The following DMRT2 variants were observed in gnomAD, a reference collection of about 807,000 sequenced individuals.
DMRT2 encodes doublesex- and mab-3-related transcription factor 2.
A neutral mutation model predicts 43.5 loss-of-function variants in DMRT2; 33 were observed. The ratio of observed to expected loss-of-function variants is 0.76; its 90% confidence interval spans 0.58 to 1.01. DMRT2 has a LOEUF of 1.01. Ranked by LOEUF, DMRT2 falls within the 50% of genes least tolerant of loss-of-function variation. The pLI, the probability that DMRT2 is intolerant of heterozygous loss-of-function variation, is 0.00. For synonymous variants in DMRT2, 395 were observed against 309.2 expected (o/e 1.28, Z -2.91); for missense variants, 1,064 against 748.0 (o/e 1.42, Z -4.93).
chr9:1,055,006 T>C (rs1370872584), intron 3 of DMRT2, among the ~76,000 whole-genome samples: 1 of 152,222 alleles, frequency 6.6e-6, no homozygotes, highest in Non-Finnish European at 1.5e-5. Flanking sequence ...CTTCTGACCA[T>C]AGAGTGGTTT....
intron 2 of DMRT2, among the ~76,000 whole-genome samples, chr9:1,053,462 T>C (rs1785549886): frequency 1.3e-5 from 2 of 152,198 alleles, no homozygotes; most frequent in African/African-American, 4.8e-5. Flanking sequence ...TCTGCGTATA[T>C]CTAGAGTGAT....
Position 1,056,224 on chromosome 9 carries a change from C to T in DMRT2, c.637C>T (p.Pro213Ser), listed in dbSNP as rs1416690948. The change falls in exon 4 of 4, where the codon CCC becomes TCC. Residue 213 changes from proline (P) to serine (S), a missense_variant. Pro to Ser is a moderately conservative substitution (Grantham distance 74). Coordinates refer to ENST00000358146, the MANE Select transcript of DMRT2 (RefSeq NM_181872.6). ...ATCTTTGCTTCTTGTAGGCTATCGC[C>T]CCATTCCAGCGGAGACTTATGTAGG... Reference protein sequence around the residue: ...LAKSILEGYRPIPAETYVGGT... With the variant: ...LAKSILEGYRSIPAETYVGGT... 1.2e-6 allele frequency: 2 copies of T among 1,606,882 alleles called. No individual in the cohort carries two copies. The highest frequency in any genetic ancestry group is 1.1e-5 in the South Asian group (1 of 90,326).
chr9:1,051,464 G>A lies in DMRT2; in HGVS notation c.-44-106G>A. On this transcript the variant is annotated intron_variant, in intron 1 of 3. Transcript: ENST00000358146. The surrounding 1 kb of genome is among the most constrained non-coding windows in gnomAD (Gnocchi z 5.9). ...GAGGGACATGTAATGAGAACAGGAT[G>A]ACTCAAGCGGCCGGAGGCGGGCAGA... 6 of 1,324,614 alleles carry A rather than the reference G, an allele frequency of 4.5e-6. No individual in the cohort carries two copies. The South Asian group carries it at 9.7e-5, about 21-fold the overall frequency. 82.1% of individuals were successfully genotyped at this position (1,324,614 alleles called of 1,614,324 possible).
rs770503994 is a variant in DMRT2 at position 1,053,722 on chromosome 9, G to A, written c.526G>A (p.Asp176Asn). ...VALRRQQATE[D>N]KKGLSGKQNN... The stretch of plus-strand genomic sequence containing the variant: ...TTGATGATGTTTCTTGTGTTTACAG[G>A]ACAAGAAGGGGCTTTCCGGGAAACA... The change falls in exon 3 of 4, where the codon GAC becomes AAC. Residue 176 changes from aspartate to asparagine, a missense_variant and splice_region_variant. By Grantham distance (23) the Asp-to-Asn change is conservative. Coordinates refer to ENST00000358146, the MANE Select transcript of DMRT2 (RefSeq NM_181872.6). 1.7e-5 allele frequency: 27 copies of A among 1,612,856 alleles called. No individual in the cohort carries two copies. The highest frequency in any genetic ancestry group is 2.2e-5 in the Non-Finnish European group (26 of 1,179,286).
At chr9:1,052,182 T>TG in intron 2 of DMRT2, 44 bp downstream of exon 2, 6 of 1,304,536 alleles carry the variant, frequency 4.6e-6, no homozygotes, top group Non-Finnish European at 5.8e-6. Flanking sequence ...ACAGTGGAGG[T>TG]GGGGGAGTTG....
intron 3 of DMRT2, chr9:1,055,630 A>C (rs1821925060): frequency 3.1e-6 from 4 of 1,270,308 alleles, no homozygotes; most frequent in Admixed American, 3.7e-5. Flanking sequence ...AGCTCTTTTC[A>C]ATTTTCTATG....
At position 1,056,404 on chromosome 9, in the gene DMRT2, C is replaced by G. The variant is rs775052048; in HGVS notation, c.817C>G (p.Arg273Gly). The G allele has an allele frequency of 6.2e-7, 1 of 1,614,020 alleles. No homozygotes were observed. Among genetic ancestry groups the G allele is most frequent in the African/African-American group, 1.3e-5 (1 of 74,910 alleles). ...SQAAALFLPN[R>G]MVPGPDYNSY... is the part of the protein sequence containing the mutation. ...AGCTGCTGCTCTGTTTCTGCCCAACCGCATGGTGCCTGGACCTGACTACAA... is the reference window on the plus strand; with the variant it reads ...AGCTGCTGCTCTGTTTCTGCCCAACGGCATGGTGCCTGGACCTGACTACAA... Residue 273 changes from arginine (R) to glycine (G), a missense_variant, in exon 4 of 4, where the codon CGC becomes GGC. Coordinates refer to ENST00000358146, the MANE Select transcript of DMRT2 (RefSeq NM_181872.6).
Position 1,057,038 on chromosome 9 carries a change from G to C in DMRT2, c.1451G>C (p.Gly484Ala). Residue 484 changes from glycine (G) to alanine (A), a missense_variant, in exon 4 of 4, where the codon GGT becomes GCT. By Grantham distance (60) the Gly-to-Ala change is moderately conservative. Coordinates refer to ENST00000358146, the MANE Select transcript of DMRT2 (RefSeq NM_181872.6). Reference sequence around the variant, plus strand: ...CAGCAAACACTTACTGACAAATCGGGTCCTGAGTTGAAAACACCATTTGTC... The same window carrying C: ...CAGCAAACACTTACTGACAAATCGGCTCCTGAGTTGAAAACACCATTTGTC... ...LFQQTLTDKSGPELKTPFVKE... is the reference protein window; with the variant it reads ...LFQQTLTDKSAPELKTPFVKE... The C allele has an allele frequency of 6.2e-7, 1 of 1,614,162 alleles. No individual in the cohort carries two copies. Among genetic ancestry groups the C allele is most frequent in the Non-Finnish European group, 8.5e-7 (1 of 1,180,036 alleles).
At chr9:1,055,426 C>A (rs1409280919) in intron 3 of DMRT2, among the ~76,000 whole-genome samples, 5 of 152,160 alleles carry the variant, frequency 3.3e-5, no homozygotes, top group African/African-American at 1.2e-4. Context: ...ATTGCTTGTT[C>A]AACCATTTTG....
Position 1,052,090 on chromosome 9 carries a change from G to A in DMRT2, c.477G>A (p.Gln159=). 6.9e-7 allele frequency: 1 copy of A among 1,446,912 alleles called. No homozygotes were observed. Among genetic ancestry groups the A allele is most frequent in the Non-Finnish European group, 9.0e-7 (1 of 1,106,904 alleles). 89.6% of individuals were successfully genotyped at this position (1,446,912 alleles called of 1,614,324 possible). Residue 159 remains glutamine, a synonymous_variant, in exon 2 of 4, where the codon CAG becomes CAA. Transcript: ENST00000358146. The part of the protein sequence containing the change: ...CANCLLVVER[Q]RVMAAQVALR... Reference sequence around the variant, plus strand: ...ACTGCCTGCTGGTGGTGGAGCGGCAGCGCGTCATGGCCGCCCAGGTGGCGC... The same window carrying A: ...ACTGCCTGCTGGTGGTGGAGCGGCAACGCGTCATGGCCGCCCAGGTGGCGC...
Position 1,057,294 on chromosome 9 carries a change from C to A in DMRT2, c.*21C>A, listed in dbSNP as rs72703239. 179,516 of 1,584,544 alleles carry A rather than the reference C, an allele frequency of 0.11. 11,426 individuals carry two copies. Among genetic ancestry groups the A allele is most frequent in the South Asian group, 0.21 (18,136 of 87,826 alleles). On this transcript the variant is annotated 3_prime_UTR_variant, in exon 4 of 4. Transcript: ENST00000358146. ...AGTGAAAGGCTGCTTAAACAGAAAG[C>A]TGGATTTTCTGCAGTCTTAGAGCAT...
In DMRT2 at chr9:1,053,723, A is replaced by G. The variant is rs1300674972; in HGVS notation, c.527A>G (p.Asp176Gly). ...TGATGATGTTTCTTGTGTTTACAGGACAAGAAGGGGCTTTCCGGGAAACAG... is the reference window on the plus strand; with the variant it reads ...TGATGATGTTTCTTGTGTTTACAGGGCAAGAAGGGGCTTTCCGGGAAACAG... ...VALRRQQATE[D>G]KKGLSGKQNN... is the part of the protein sequence containing the mutation. Residue 176 changes from aspartate to glycine, a missense_variant and splice_region_variant, in exon 3 of 4, where the codon GAC (aspartate) becomes GGC (glycine). Coordinates refer to ENST00000358146, the MANE Select transcript of DMRT2 (RefSeq NM_181872.6). 1 of 1,613,130 alleles carries G rather than the reference A, an allele frequency of 6.2e-7. No individual in the cohort carries two copies. The highest frequency in any genetic ancestry group is 1.3e-5 in the African/African-American group (1 of 74,878).
rs1331591404 is a variant in DMRT2, at chr9:1,057,462, G to A, written c.*189G>A. On this transcript the variant is annotated 3_prime_UTR_variant, in exon 4 of 4. Coordinates refer to ENST00000358146, the MANE Select transcript of DMRT2 (RefSeq NM_181872.6). Reference sequence around the variant, plus strand: ...TCACATATATTTAAACTTACAGATGGAAATTGCCCAATGTGCAAATTGTTA... The same window carrying A: ...TCACATATATTTAAACTTACAGATGAAAATTGCCCAATGTGCAAATTGTTA... 1 of 627,270 alleles carries A rather than the reference G, an allele frequency of 1.6e-6. No individual in the cohort carries two copies. The highest frequency in any genetic ancestry group is 2.9e-5 in the East Asian group (1 of 34,890). The allele number at this position is 627,270 out of a possible 1,614,324, so 38.9% of individuals were successfully genotyped here.
Position 1,056,196 on chromosome 9 carries a change from G to A in DMRT2, c.629-20G>A, listed in dbSNP as rs1462842653. 1.3e-6 allele frequency: 2 copies of A among 1,578,962 alleles called. No individual in the cohort carries two copies. Among genetic ancestry groups the A allele is most frequent in the Non-Finnish European group, 8.6e-7 (1 of 1,167,294 alleles). On this transcript the variant is annotated intron_variant, in intron 3 of 3. Transcript: ENST00000358146. ...CCGTAGATGTTAATCTCTTTCATGT[G>A]CAATCTTTGCTTCTTGTAGGCTATC...
rs544170039 is a variant in DMRT2, at chr9:1,051,902, G to T, written c.289G>T (p.Ala97Ser). ...GCCGCTCGCGCCTCAGGCCTCACCCGCCGGCACCGGTCCCCGAGAGCGCTG... is the reference window on the plus strand; with the variant it reads ...GCCGCTCGCGCCTCAGGCCTCACCCTCCGGCACCGGTCCCCGAGAGCGCTG... ...RPPLAPQASP[A>S]GTGPRERCTP... The change falls in exon 2 of 4, where the codon GCC (alanine) becomes TCC (serine). Residue 97 changes from alanine to serine, a missense_variant. Physicochemically the swap from Ala to Ser is moderately conservative, Grantham distance 99. Transcript: ENST00000358146. This position sits in a 1 kb window ranked among gnomAD's most constrained non-coding sequence, Gnocchi z 5.9. 1.5e-4 allele frequency: 200 copies of T among 1,362,182 alleles called. No homozygotes were observed. The African/African-American group carries it at 3.0e-3, about 20-fold the overall frequency. 84.4% of individuals were successfully genotyped at this position (1,362,182 alleles called of 1,614,324 possible). A position where few individuals can be genotyped will look rare whatever the true frequency, so the allele number is the denominator to read the frequency against.
chr9:1,057,188 A>T lies in DMRT2; in HGVS notation c.1601A>T (p.Lys534Ile), dbSNP rs1359395368. The T allele has an allele frequency of 6.2e-7, 1 of 1,614,076 alleles. No homozygotes were observed. The highest frequency in any genetic ancestry group is 1.7e-5 in the Admixed American group (1 of 60,026). Reference protein sequence around the residue: ...DLFVAKQVGTKLSVNEPLSFS... With the variant: ...DLFVAKQVGTILSVNEPLSFS... ...TTTGTAGCCAAACAAGTTGGAACAA[A>T]ACTCTCGGTGAATGAACCACTGTCA... Residue 534 changes from lysine (K) to isoleucine (I), a missense_variant, in exon 4 of 4, where the codon AAA becomes ATA. Transcript: ENST00000358146.
intron 3 of DMRT2, chr9:1,055,742 A>G: frequency 6.7e-7 from 1 of 1,497,578 alleles, no homozygotes; most frequent in Non-Finnish European, 9.0e-7. Context: ...ATTATTCTAC[A>G]GCTATTATGT....
intron 3 of DMRT2, among the ~76,000 whole-genome samples, chr9:1,054,052 C>A (rs540756267): frequency 6.6e-6 from 1 of 152,100 alleles, no homozygotes; most frequent in African/African-American, 2.4e-5. Context: ...GGAAGGAAAC[C>A]GCCACCTGGG....
At position 1,051,698 on chromosome 9, in the gene DMRT2, G is replaced by T. The variant is rs997632409; in HGVS notation, c.85G>T (p.Ala29Ser). Residue 29 changes from alanine (A) to serine (S), a missense_variant, in exon 2 of 4, where the codon GCG (alanine) becomes TCG (serine). Transcript: ENST00000358146. This position sits in a 1 kb window ranked among gnomAD's most constrained non-coding sequence, Gnocchi z 5.9. ...SLELEEDVCG[A>S]PRSTPPGPSP... is the part of the protein sequence containing the mutation. ...GGAGCTGGAAGAGGACGTCTGCGGG[G>T]CGCCGCGGTCCACGCCCCCCGGGCC... The T allele has an allele frequency of 1.6e-4, 247 of 1,555,590 alleles. No individual in the cohort carries two copies. The highest frequency in any genetic ancestry group is 2.1e-4 in the Admixed American group (11 of 52,656).
Sources: allele counts gnomAD v4.1 joint callset (sites outside exome capture counted in the v4.1 genomes callset), GRCh38; gene constraint gnomAD v4.1.1; non-coding constraint Gnocchi (gnomAD v3.1); transcripts MANE v1.5; gene names NCBI Gene and HGNC (gene_info 2026-07-23, HGNC 2026-07-21).